UST: variants seen among roughly 807,000 people sequenced by gnomAD.
The protein encoded by UST is uronyl 2-sulfotransferase.
Under a neutral mutation model 45.6 loss-of-function variants are expected in UST, and 21 were observed. The ratio of observed to expected loss-of-function variants is 0.46; its 90% CI spans 0.33 to 0.66. The LOEUF is 0.66. UST is among the 30% of genes least tolerant of loss of function. The pLI, the probability that UST is intolerant of heterozygous loss-of-function variation, is 0.02. For synonymous variants in UST, 215 were observed against 200.6 expected (o/e 1.07, Z -0.61); for missense variants, 463 against 512.4 (o/e 0.90, Z 0.93).
intron 2 of UST, among the ~76,000 whole-genome samples, chr6:148,940,166 C>T (rs1286683248): frequency 6.6e-6 from 1 of 151,786 alleles, no homozygotes; most frequent in Non-Finnish European, 1.5e-5. Context: ...TTCACAGCAA[C>T]GAGGATGGGT....
At chr6:148,978,968 T>C (rs1333712503) in intron 5 of UST, among the ~76,000 whole-genome samples, 1 of 152,212 alleles carries the variant, frequency 6.6e-6, no homozygotes, top group Non-Finnish European at 1.5e-5. Context: ...ATCCAGATCC[T>C]TTGGGATTTC....
chr6:148,958,256 T>C (rs184273900), intron 4 of UST, among the ~76,000 whole-genome samples: 1 of 152,240 alleles, frequency 6.6e-6, no homozygotes, highest in East Asian at 1.9e-4. Context: ...GAACCATATC[T>C]AGTTTTATTA....
intron 2 of UST, among the ~76,000 whole-genome samples, chr6:148,902,842 T>A (rs1779286439): frequency 6.6e-6 from 1 of 152,214 alleles, no homozygotes; most frequent in African/African-American, 2.4e-5. Flanking sequence ...TGTCTTCCAC[T>A]CCTTCTGTTG....
chr6:149,034,715 A>G (rs1367835155), intron 7 of UST, among the ~76,000 whole-genome samples: 1 of 152,038 alleles, frequency 6.6e-6, no homozygotes, highest in African/African-American at 2.4e-5. Context: ...AGATGTTCCT[A>G]AGTTGCCTCC....
chr6:149,019,007 A>G, intron 5 of UST, 132 bp from the exon 6 acceptor site: 4 of 759,940 alleles, frequency 5.3e-6, no homozygotes, highest in Non-Finnish European at 6.7e-6. Flanking sequence ...TTCTCATGAA[A>G]TCTGTGAATT....
intron 1 of UST, among the ~76,000 whole-genome samples, chr6:148,753,256 A>G (rs1191706842): frequency 1.3e-5 from 2 of 152,228 alleles, no homozygotes; most frequent in Admixed American, 1.3e-4. Context: ...CATCACCACA[A>G]GGAGAAACGC....
intron 1 of UST, among the ~76,000 whole-genome samples, chr6:148,842,208 G>T (rs973483745): frequency 1.3e-5 from 2 of 152,178 alleles, no homozygotes; most frequent in African/African-American, 4.8e-5. Context: ...GGTATAGAAA[G>T]TGTCAGTGAA....
At chr6:148,894,491 C>T (rs1313352830) in intron 2 of UST, among the ~76,000 whole-genome samples, 1 of 152,190 alleles carries the variant, frequency 6.6e-6, no homozygotes. Context: ...GACCAAGGTA[C>T]ACCAAGGATG....
intron 1 of UST, among the ~76,000 whole-genome samples, chr6:148,854,917 G>C (rs538208162): frequency 2.2e-4 from 33 of 152,250 alleles, no homozygotes; most frequent in African/African-American, 7.7e-4. Context: ...AGACATACCC[G>C]AGACGGGGCA....
At chr6:148,839,292 A>G (rs2083607776) in intron 1 of UST, among the ~76,000 whole-genome samples, 1 of 152,186 alleles carries the variant, frequency 6.6e-6, no homozygotes, top group Non-Finnish European at 1.5e-5. Flanking sequence ...ATAATCAGGA[A>G]GGCCCCTCTC....
chr6:148,916,753 A>G (rs74443961), intron 2 of UST, among the ~76,000 whole-genome samples: 16,845 of 151,782 alleles, frequency 0.11, 1,347 homozygotes, highest in East Asian at 0.42. Context: ...TGAGCACACC[A>G]CTTCCCAGGT....
intron 7 of UST, among the ~76,000 whole-genome samples, chr6:149,027,996 A>G (rs1776075261): frequency 6.6e-6 from 1 of 152,072 alleles, no homozygotes; most frequent in African/African-American, 2.4e-5. Context: ...GGCTCCCACT[A>G]CCATGCCCAG....
chr6:148,945,287 T>C (rs1044967201), intron 3 of UST, among the ~76,000 whole-genome samples: 1 of 152,220 alleles, frequency 6.6e-6, no homozygotes, highest in Non-Finnish European at 1.5e-5. Flanking sequence ...TCCAAATACA[T>C]TGTAATGACT....
intron 2 of UST, among the ~76,000 whole-genome samples, chr6:148,930,880 A>G (rs1165647189): frequency 6.6e-6 from 1 of 152,260 alleles, no homozygotes. Flanking sequence ...TCTCAGTACA[A>G]TTCACACTCA....
intron 1 of UST, among the ~76,000 whole-genome samples, chr6:148,853,265 C>T (rs1778140507): frequency 6.6e-6 from 1 of 152,180 alleles, no homozygotes; most frequent in African/African-American, 2.4e-5. Context: ...TCATCCATGT[C>T]CCTGCAAAGG....
chr6:148,918,729 T>G (rs1211119769), intron 2 of UST, among the ~76,000 whole-genome samples: 1 of 152,242 alleles, frequency 6.6e-6, no homozygotes, highest in East Asian at 1.9e-4. Flanking sequence ...AACCTCGTTA[T>G]GGTGTGCATT....
At chr6:149,021,865 C>T (rs1290553130) in intron 7 of UST, among the ~76,000 whole-genome samples, 1 of 152,208 alleles carries the variant, frequency 6.6e-6, no homozygotes, top group African/African-American at 2.4e-5. Flanking sequence ...TGCACCTGGA[C>T]TCCATTGATG....
chr6:149,024,185 G>A (rs919483427), intron 7 of UST, among the ~76,000 whole-genome samples: 9 of 152,162 alleles, frequency 5.9e-5, no homozygotes, highest in East Asian at 3.9e-4. Context: ...CTGGCTGCCC[G>A]TCCTTGTTAC....
At chr6:148,978,437 G>C (rs1033470473) in intron 5 of UST, among the ~76,000 whole-genome samples, 3 of 152,076 alleles carry the variant, frequency 2.0e-5, no homozygotes, top group African/African-American at 7.2e-5. Context: ...GCCCATCAGT[G>C]ACAGACTAGA....
Sources: allele counts gnomAD v4.1 joint callset (sites outside exome capture counted in the v4.1 genomes callset), GRCh38; gene constraint gnomAD v4.1.1; transcripts MANE v1.5; gene names NCBI Gene and HGNC (gene_info 2026-07-23, HGNC 2026-07-21).